The following ERBB4 variants were observed in gnomAD, a reference collection of about 807,000 sequenced individuals.
The protein encoded by ERBB4 is receptor tyrosine-protein kinase erbB-4.
Under a neutral mutation model 158.0 loss-of-function variants are expected in ERBB4, and 42 were observed. The ratio of observed to expected loss-of-function variants is 0.27; its 90% confidence interval spans 0.21 to 0.34. ERBB4 has a LOEUF of 0.34. Among genes scored for constraint, ERBB4 ranks in the 10% least tolerant of loss-of-function variants. The pLI, the probability that ERBB4 is intolerant of heterozygous loss-of-function variation, is 1.00. For missense variants in ERBB4, 1,333 were observed against 1,624.1 expected (o/e 0.82, Z 3.08); for synonymous variants, 583 against 558.7 (o/e 1.04, Z -0.61).
Position 211,713,623 on chromosome 2 carries a change from A to G in ERBB4, c.909T>C (p.Ser303=), listed in dbSNP as rs2106087774. The change falls in exon 8 of 28, where the codon TCT becomes TCC. Residue 303 remains serine, a synonymous_variant. Transcript: ENST00000342788. Reference sequence around the variant, plus strand: ...TGGAACTAGGGCAGGCACGCACACAAGAACTGGAATCTACCACAAAGTTAT... The same window carrying G: ...TGGAACTAGGGCAGGCACGCACACAGGAACTGGAATCTACCACAAAGTTAT... ...CPHNFVVDSS[S]CVRACPSSKM... The G allele has an allele frequency of 6.2e-7, 1 of 1,610,206 alleles. No homozygotes were observed. The highest frequency in any genetic ancestry group is 8.5e-7 in the Non-Finnish European group (1 of 1,176,924).
chr2:211,630,673 CA>C (rs1559365032), intron 16 of ERBB4, 79 bp from the exon 17 acceptor site: 1 of 1,248,302 alleles, frequency 8.0e-7, no homozygotes, highest in African/African-American at 1.5e-5. Context: ...AGCAGTTGTA[CA>C]AGACATTATC....
chr2:211,868,061 G>A (rs1179477821), intron 3 of ERBB4, among the ~76,000 whole-genome samples: 1 of 152,214 alleles, frequency 6.6e-6, no homozygotes, highest in African/African-American at 2.4e-5. Context: ...ATATACTGCA[G>A]TGTTTCCAGT....
intron 2 of ERBB4, among the ~76,000 whole-genome samples, chr2:212,003,216 G>GGAAGAAAGACAGAAA (rs1559294277): frequency 0.027 from 929 of 34,468 alleles, 83 homozygotes; most frequent in East Asian, 0.11. Context: ...ACAGAAAGAA[G>GGAAGAAAGACAGAAA]GAAGGAAGGA....
chr2:211,454,298 A>G (rs370539121), intron 20 of ERBB4, among the ~76,000 whole-genome samples: 27 of 152,236 alleles, frequency 1.8e-4, no homozygotes, highest in African/African-American at 6.0e-4. Flanking sequence ...TATAAATTAT[A>G]ACCTATTAAT....
chr2:212,380,571 T>C (rs1000536283), intron 1 of ERBB4, among the ~76,000 whole-genome samples: 3 of 151,012 alleles, frequency 2.0e-5, no homozygotes, highest in African/African-American at 7.3e-5. Flanking sequence ...GCAGCTCATT[T>C]ATTTTAAGAT....
At chr2:211,926,937 G>C (rs868456345) in intron 3 of ERBB4, among the ~76,000 whole-genome samples, 1 of 152,014 alleles carries the variant, frequency 6.6e-6, no homozygotes. Flanking sequence ...TAGTCAATGT[G>C]ATATTAATCT....
intron 1 of ERBB4, among the ~76,000 whole-genome samples, chr2:212,350,992 GT>G (rs2089227786): frequency 6.6e-6 from 1 of 152,148 alleles, no homozygotes; most frequent in Non-Finnish European, 1.5e-5. Flanking sequence ...TTATCAGCTA[GT>G]GGGTATTACT....
In ERBB4 at chr2:211,380,317, T is replaced by G. The variant is rs1321742451; in HGVS notation, c.*3298A>C. 3.4e-5 allele frequency: 8 copies of G among 232,420 alleles called. No individual in the cohort carries two copies. In the East Asian group the frequency reaches 4.9e-4, roughly 14 times the overall value. The allele number at this position is 232,420 out of a possible 1,614,324, so 14.4% of individuals were successfully genotyped here. On this transcript the variant is annotated 3_prime_UTR_variant, in exon 28 of 28. Transcript: ENST00000342788. ...ATCAGAGGCCATCTTTCCTCACCTG[T>G]TTACCACTTTCTTTAGGCAATCATT... is the stretch of plus-strand genomic sequence containing the variant.
intron 3 of ERBB4, among the ~76,000 whole-genome samples, chr2:211,839,178 G>A (rs1271135177): frequency 2.8e-5 from 3 of 106,508 alleles, no homozygotes; most frequent in Non-Finnish European, 4.4e-5. Flanking sequence ...AGGAGGAGGA[G>A]GAGGAGGAGG....
intron 3 of ERBB4, among the ~76,000 whole-genome samples, chr2:211,912,441 T>C (rs534984061): frequency 2.6e-5 from 4 of 152,148 alleles, no homozygotes; most frequent in Non-Finnish European, 5.9e-5. Flanking sequence ...GATTTAATCA[T>C]ACCATACTGT....
At chr2:212,457,453 A>G (rs1560378687) in intron 1 of ERBB4, among the ~76,000 whole-genome samples, 1 of 152,024 alleles carries the variant, frequency 6.6e-6, no homozygotes, top group Non-Finnish European at 1.5e-5. Context: ...CACACAGAGT[A>G]TCCTCTCAGA....
At chr2:211,431,140 C>G (rs760712734) in intron 20 of ERBB4, 40 bp from the exon 21 acceptor site, 1 of 1,586,340 alleles carries the variant, frequency 6.3e-7, no homozygotes, top group Non-Finnish European at 8.6e-7. Flanking sequence ...TCAGTTAATG[C>G]CCAGGTTTTC....
chr2:212,290,322 T>G (rs1483164172), intron 1 of ERBB4, among the ~76,000 whole-genome samples: 1 of 152,170 alleles, frequency 6.6e-6, no homozygotes, highest in African/African-American at 2.4e-5. Flanking sequence ...CGTGTACAGA[T>G]ATATATGTAT....
intron 19 of ERBB4, among the ~76,000 whole-genome samples, chr2:211,587,181 A>G (rs1408859069): frequency 6.6e-6 from 1 of 151,042 alleles, no homozygotes; most frequent in East Asian, 1.9e-4. Flanking sequence ...GGTGAAACCC[A>G]ATCTCTACTT....
At chr2:212,015,316 A>G (rs2076504668) in intron 2 of ERBB4, among the ~76,000 whole-genome samples, 1 of 151,680 alleles carries the variant, frequency 6.6e-6, no homozygotes, top group Admixed American at 6.6e-5. Context: ...TCCTCTTCCA[A>G]TTCACTGTCA....
intron 3 of ERBB4, among the ~76,000 whole-genome samples, chr2:211,842,560 C>A (rs181893355): frequency 6.6e-6 from 1 of 151,710 alleles, no homozygotes; most frequent in Non-Finnish European, 1.5e-5. Flanking sequence ...TATCTCCTAT[C>A]TTTTTCAGTG....
chr2:211,802,728 T>C (rs1262655471), intron 3 of ERBB4, among the ~76,000 whole-genome samples: 2 of 152,238 alleles, frequency 1.3e-5, no homozygotes, highest in African/African-American at 4.8e-5. Flanking sequence ...CTAGCTGATA[T>C]GCACCTAGCT....
intron 20 of ERBB4, among the ~76,000 whole-genome samples, chr2:211,506,913 G>T (rs1244371777): frequency 6.6e-6 from 1 of 151,958 alleles, no homozygotes; most frequent in Non-Finnish European, 1.5e-5. Context: ...ATCAATACAA[G>T]GGATCCAAAA....
intron 3 of ERBB4, among the ~76,000 whole-genome samples, chr2:211,933,164 G>T (rs144404201): frequency 0.035 from 5,327 of 152,072 alleles, 127 homozygotes; most frequent in Middle Eastern, 0.088. Context: ...CCATAGGACT[G>T]CATTTGAAGC....
Sources: allele counts gnomAD v4.1 joint callset (sites outside exome capture counted in the v4.1 genomes callset), GRCh38; gene constraint gnomAD v4.1.1; transcripts MANE v1.5; gene names NCBI Gene and HGNC (gene_info 2026-07-23, HGNC 2026-07-21).